N4BP2L1: variants seen among roughly 807,000 people sequenced by gnomAD.
N4BP2L1 encodes the protein NEDD4-binding protein 2-like 1.
A neutral mutation model predicts 21.2 loss-of-function variants in N4BP2L1; 12 were observed. That is an observed-to-expected ratio of 0.57 (90% CI 0.36 to 0.92). The LOEUF (loss-of-function observed/expected upper bound fraction) is 0.92, where lower values mean the gene tolerates loss of function less well. N4BP2L1 is among the 40% of genes least tolerant of loss of function. The probability of loss-of-function intolerance (pLI) is 0.01; values close to 1 mark genes in which losing one functional copy is unlikely to be tolerated. For synonymous variants in N4BP2L1, 104 were observed against 112.8 expected, an observed-to-expected ratio of 0.92 and a Z score of 0.49; for missense variants, 259 against 310.6, an observed-to-expected ratio of 0.83 and a Z score of 1.25.
chr13:32,428,238 G>T (rs2074912762), upstream of N4BP2L1: 3 of 650,726 alleles, frequency 4.6e-6, no homozygotes, highest in Non-Finnish European at 6.8e-6. Context: ...GAACCGTGCT[G>T]CGTGGGAGGG....
chr13:32,426,744 A>T (rs2065473334), intron 1 of N4BP2L1, among the ~76,000 whole-genome samples: 1 of 152,188 alleles, frequency 6.6e-6, no homozygotes, highest in Non-Finnish European at 1.5e-5. Context: ...TCCTCTACTG[A>T]ACAGCTACTA....
At position 32,418,013 on chromosome 13, in the gene N4BP2L1, C is replaced by T. The variant is rs59003739; in HGVS notation, c.179+9891G>A. ...TGATGATGTGATAGAAAAGAAAGCC[C>T]CATTTTCAGGTGAGAAATTCAAGCC... On this transcript the variant is annotated intron_variant, in intron 1 of 4. Transcript: ENST00000380130. Among the ~76,000 whole-genome samples the T allele has an allele frequency of 5.8e-3, 879 of 152,276 alleles. 5 individuals are homozygous for T. The highest frequency in any genetic ancestry group is 0.019 in the African/African-American group (806 of 41,542).
At chr13:32,417,526 T>C (rs2074218631) in intron 1 of N4BP2L1, among the ~76,000 whole-genome samples, 1 of 152,188 alleles carries the variant, frequency 6.6e-6, no homozygotes, top group Non-Finnish European at 1.5e-5. Context: ...CTTTCCTTTA[T>C]AAATTACCCA....
intron 1 of N4BP2L1, among the ~76,000 whole-genome samples, chr13:32,424,286 C>T (rs1413833694): frequency 6.6e-6 from 1 of 152,192 alleles, no homozygotes; most frequent in Non-Finnish European, 1.5e-5. Context: ...GGCTGTTGTT[C>T]CTTTTCCTTC....
At chr13:32,427,116 G>A (rs2074811688) in intron 1 of N4BP2L1, among the ~76,000 whole-genome samples, 1 of 152,230 alleles carries the variant, frequency 6.6e-6, no homozygotes, top group Non-Finnish European at 1.5e-5. Flanking sequence ...ACAAGCCCGC[G>A]TAATTCCCAG....
At chr13:32,407,623 A>G (rs1267385240) in intron 2 of N4BP2L1, 22 bp downstream of exon 2, 16 of 1,611,384 alleles carry the variant, frequency 9.9e-6, no homozygotes, top group African/African-American at 1.3e-5. Flanking sequence ...GTTTCCCAGG[A>G]GTTTGGGAAG....
chr13:32,408,828 T>C (rs1440425369), intron 1 of N4BP2L1, among the ~76,000 whole-genome samples: 4 of 152,254 alleles, frequency 2.6e-5, no homozygotes, highest in Admixed American at 1.3e-4. Flanking sequence ...GTCTTCTCCA[T>C]GGAGCAGAAA....
At chr13:32,426,614 G>C (rs142923030) in intron 1 of N4BP2L1, among the ~76,000 whole-genome samples, 67 of 152,194 alleles carry the variant, frequency 4.4e-4, no homozygotes, top group African/African-American at 1.5e-3. Flanking sequence ...TCACTATCTC[G>C]GCACCATCGA....
At chr13:32,409,695 G>C (rs2073737948) in intron 1 of N4BP2L1, among the ~76,000 whole-genome samples, 1 of 152,144 alleles carries the variant, frequency 6.6e-6, no homozygotes, top group African/African-American at 2.4e-5. Flanking sequence ...CGGGGAAAGT[G>C]ATGCAAAGGA....
chr13:32,418,330 T>C (rs1235464311), intron 1 of N4BP2L1, among the ~76,000 whole-genome samples: 1 of 152,242 alleles, frequency 6.6e-6, no homozygotes, highest in East Asian at 1.9e-4. Flanking sequence ...CCTTGGCAGC[T>C]GCCACATGGT....
intron 3 of N4BP2L1, 133 bp downstream of exon 3, chr13:32,407,117 T>C (rs2073562505): frequency 2.3e-6 from 2 of 880,020 alleles, no homozygotes; most frequent in Non-Finnish European, 3.5e-6. Flanking sequence ...AAAACCTCGT[T>C]ACCTTCTCCC....
chr13:32,420,206 T>A (rs180880684), intron 1 of N4BP2L1, among the ~76,000 whole-genome samples: 1 of 152,308 alleles, frequency 6.6e-6, no homozygotes, highest in African/African-American at 2.4e-5. Context: ...GAGCCCTCAT[T>A]CTCGTTTGTC....
chr13:32,420,844 C>A (rs2074434683), intron 1 of N4BP2L1, among the ~76,000 whole-genome samples: 1 of 152,148 alleles, frequency 6.6e-6, no homozygotes, highest in Non-Finnish European at 1.5e-5. Flanking sequence ...CAGGCACCTG[C>A]CACCATGCCC....
rs2073119121 is a variant in N4BP2L1, at chr13:32,401,348, G to A, written c.*1594C>T. On this transcript the variant is annotated 3_prime_UTR_variant, in exon 5 of 5. Transcript: ENST00000380130. ...GAGATTATTTTATGTTGTGCTTGGAGATACAGAAGTTAGCAAAGCTGATAA... is the reference window on the plus strand; with the variant it reads ...GAGATTATTTTATGTTGTGCTTGGAAATACAGAAGTTAGCAAAGCTGATAA... 6.6e-6 allele frequency: 1 copy of A among 152,158 alleles called. No homozygotes were observed. The highest frequency in any genetic ancestry group is 2.4e-5 in the African/African-American group (1 of 41,426). The allele number at this position is 152,158 out of a possible 1,614,324, so 9.4% of individuals were successfully genotyped here. A position where few individuals can be genotyped will look rare whatever the true frequency, so the allele number is the denominator to read the frequency against.
intron 1 of N4BP2L1, among the ~76,000 whole-genome samples, chr13:32,412,415 T>A: frequency 8.3e-6 from 1 of 120,260 alleles, no homozygotes; most frequent in East Asian, 2.1e-4. Context: ...TCACTTGAGG[T>A]CAGGAGTTTG....
intron 3 of N4BP2L1, 21 bp downstream of exon 3, chr13:32,407,229 C>T: frequency 6.2e-7 from 1 of 1,610,358 alleles, no homozygotes. Flanking sequence ...ACTGAAAATT[C>T]AGAATGATAC....
intron 1 of N4BP2L1, among the ~76,000 whole-genome samples, chr13:32,416,186 C>T (rs545935798): frequency 2.0e-5 from 3 of 152,218 alleles, no homozygotes; most frequent in South Asian, 4.1e-4. Flanking sequence ...TAAATATAGC[C>T]AATGTTTATT....
chr13:32,411,868 C>T (rs17636116), intron 1 of N4BP2L1: 35,438 of 784,042 alleles, frequency 0.045, 1,185 homozygotes, highest in South Asian at 0.15. Flanking sequence ...TTTAACTTGA[C>T]GCCCAGTTTT....
In N4BP2L1 at chr13:32,407,315, T is replaced by C. The variant is rs1193321224; in HGVS notation, c.331A>G (p.Ile111Val). 1 of 1,614,068 alleles carries C rather than the reference T, an allele frequency of 6.2e-7. No homozygotes were observed. The highest frequency in any genetic ancestry group is 1.3e-5 in the African/African-American group (1 of 74,942). The change falls in exon 3 of 5, where the codon ATA (isoleucine) becomes GTA (valine). Residue 111 changes from isoleucine to valine, a missense_variant. Ile to Val is a conservative substitution (Grantham distance 29, BLOSUM62 3). Around this residue, in one of 3 missense-constraint regions of N4BP2L1, gnomAD observed 91 missense variants for 148.1 expected, o/e 0.61. Coordinates refer to ENST00000380130, the MANE Select transcript of N4BP2L1 (RefSeq NM_052818.3). The part of the protein sequence containing the change: ...KRARKAMRNG[I>V]SPIIIDNTNL... ...GTATTATCAATAATAATGGGGGATA[T>C]GCCATTCCTCATTGCTTTTCTTGCT...
Sources: gnomAD v4.1 joint callset for allele counts (sites outside exome capture counted in the v4.1 genomes callset) on GRCh38, gnomAD v4.1.1 for gene constraint, gnomAD v4.1.1 regional missense constraint, MANE v1.5 for transcripts, NCBI Gene and HGNC (gene_info 2026-07-23, HGNC 2026-07-21) for gene names.